The following TCF20 variants were observed in gnomAD, a reference collection of about 807,000 sequenced individuals.
TCF20 encodes the protein transcription factor 20.
TCF20 carries 3 observed loss-of-function variants against 148.6 expected under a neutral mutation model. That is an observed-to-expected ratio of 0.02 (90% CI 0.01 to 0.05). TCF20 has a LOEUF of 0.05. Among genes scored for constraint, TCF20 ranks in the 10% least tolerant of loss-of-function variants. The pLI is 1.00. For synonymous variants in TCF20, 1,049 were observed against 909.5 expected (o/e 1.15, Z -2.76); for missense variants, 2,350 against 2,429.3 (o/e 0.97, Z 0.69).
At chr22:42,281,309 G>C (rs134893) in intron 1 of TCF20, among the ~76,000 whole-genome samples, 98,289 of 152,018 alleles carry the variant, frequency 0.65, 32,773 homozygotes, top group Non-Finnish European at 0.74. Context: ...AGCCAGCTTT[G>C]CAAGATCCTG....
chr22:42,302,319 G>A (rs1927351926), intron 1 of TCF20, among the ~76,000 whole-genome samples: 1 of 152,268 alleles, frequency 6.6e-6, no homozygotes, highest in South Asian at 2.1e-4. Context: ...CGGTCTCTGT[G>A]GGGACCCATA....
upstream of TCF20, among the ~76,000 whole-genome samples, chr22:42,288,682 T>C (rs1409776803): frequency 4.4e-5 from 6 of 135,432 alleles, no homozygotes; most frequent in Non-Finnish European, 7.6e-5. Context: ...TACTCCAGTC[T>C]GGGCAACAGG....
intron 2 of TCF20, among the ~76,000 whole-genome samples, chr22:42,187,642 G>A (rs1295102342): frequency 6.6e-6 from 1 of 152,190 alleles, no homozygotes; most frequent in Non-Finnish European, 1.5e-5. Flanking sequence ...CCCTTCCGAT[G>A]TCTTTGTGCC....
intron 5 of TCF20, among the ~76,000 whole-genome samples, chr22:42,163,903 C>T (rs1935615551): frequency 1.3e-5 from 2 of 152,232 alleles, no homozygotes; most frequent in African/African-American, 4.8e-5. Flanking sequence ...CTTCCCTTCT[C>T]GCTCACACTG....
intron 1 of TCF20, among the ~76,000 whole-genome samples, chr22:42,233,492 G>C (rs1262028646): frequency 6.6e-6 from 1 of 152,174 alleles, no homozygotes; most frequent in South Asian, 2.1e-4. Context: ...AATAATACCA[G>C]CTTTGCTGAC....
At chr22:42,191,557 GGGATTAC>G (rs1937337648) in intron 2 of TCF20, among the ~76,000 whole-genome samples, 2 of 152,150 alleles carry the variant, frequency 1.3e-5, no homozygotes, top group East Asian at 3.8e-4. Context: ...CCAAAGTGCG[GGGATTAC>G]AGGCATGAGC....
chr22:42,254,388 T>C (rs1385766002), intron 1 of TCF20, among the ~76,000 whole-genome samples: 3 of 152,256 alleles, frequency 2.0e-5, no homozygotes, highest in East Asian at 3.8e-4. Flanking sequence ...CTGCAAGTTA[T>C]ATTCCAGCTC....
chr22:42,161,780 T>C (rs185589354), intron 5 of TCF20, among the ~76,000 whole-genome samples: 341 of 152,276 alleles, frequency 2.2e-3, no homozygotes, highest in African/African-American at 7.5e-3. Flanking sequence ...CTTCTCGAAG[T>C]CCAGCCTTTT....
chr22:42,297,606 G>A lies in TCF20; in HGVS notation c.-37+45873C>T, dbSNP rs1394628725. On this transcript the variant is annotated intron_variant, in intron 1 of 1. Coordinates refer to the TCF20 transcript ENST00000515426. The surrounding 1 kb of genome is among the most constrained non-coding windows in gnomAD (Gnocchi z 4.3). ...TGAAAGCCCATGATCCCTGAGCCTC[G>A]AGCTCAGCCCCCAGGAGCTTCCCCT... Among the ~76,000 whole-genome samples the A allele has an allele frequency of 6.6e-6, 1 of 152,150 alleles. No individual in the cohort carries two copies. Among genetic ancestry groups the A allele is most frequent in the African/African-American group, 2.4e-5 (1 of 41,446 alleles).
chr22:42,190,759 C>A (rs1406355312), intron 2 of TCF20, among the ~76,000 whole-genome samples: 2 of 148,364 alleles, frequency 1.3e-5, no homozygotes, highest in Non-Finnish European at 3.0e-5. Flanking sequence ...TATTCCCCAC[C>A]CTCAGCTATC....
intron 1 of TCF20, 151 bp from the exon 2 acceptor site, chr22:42,215,492 C>CTCTTGTCTCA: frequency 2.9e-6 from 3 of 1,032,404 alleles, no homozygotes; most frequent in Non-Finnish European, 4.0e-6. Flanking sequence ...TTTTTTGAGA[C>CTCTTGTCTCA]AAGAGTCTCA....
chr22:42,189,751 A>G lies in TCF20; in HGVS notation c.5656-10049T>C, dbSNP rs368507242. Among the ~76,000 whole-genome samples, 5 of 152,356 alleles carry G rather than the reference A, an allele frequency of 3.3e-5. No individual in the cohort carries two copies. In the East Asian group the frequency reaches 9.6e-4, roughly 29 times the overall value. ...TTTACTTCTCCTAAAGTAGAGGACA[A>G]CAACGACAAATCTAGTCAAAGAAAC... On this transcript the variant is annotated intron_variant, in intron 2 of 5. Transcript: ENST00000677622.
chr22:42,293,901 G>C (rs1272729901), intron 1 of TCF20, among the ~76,000 whole-genome samples: 1 of 152,236 alleles, frequency 6.6e-6, no homozygotes, highest in Non-Finnish European at 1.5e-5. Context: ...TCAGGAGGCT[G>C]AGGCAGGAGA....
rs570402790 is a variant in TCF20 at position 42,162,934 on chromosome 22, CCA to C, written c.*45-1578_*45-1577del. Among the ~76,000 whole-genome samples the C allele has an allele frequency of 1.2e-3, 187 of 152,284 alleles. 3 individuals carry two copies. The South Asian group carries it at 0.038, about 31-fold the overall frequency. ...ACACAGAGGCCATGGCACAACATCA[CCA>C]CAGACAAGTAAAAGCAAGCCCTGGG... On this transcript the variant is annotated intron_variant, in intron 5 of 5. Transcript: ENST00000677622.
chr22:42,237,943 G>A (rs1344148821), intron 1 of TCF20, among the ~76,000 whole-genome samples: 12 of 152,134 alleles, frequency 7.9e-5, no homozygotes, highest in Admixed American at 7.9e-4. Context: ...ATAAATTTAT[G>A]GGCCCTAGAA....
intron 1 of TCF20, among the ~76,000 whole-genome samples, chr22:42,307,038 TAAAAAAAAAAAAA>T (rs5845532): frequency 5.4e-5 from 5 of 92,762 alleles, no homozygotes; most frequent in Admixed American, 3.6e-4. Context: ...GACTCTGTCT[TAAAAAAAAAAAAA>T]AAAAAAAAAA....
upstream of TCF20, among the ~76,000 whole-genome samples, chr22:42,285,076 G>A (rs1420285205): frequency 2.0e-5 from 3 of 152,192 alleles, no homozygotes; most frequent in Non-Finnish European, 2.9e-5. This position sits in a 1 kb window ranked among gnomAD's most constrained non-coding sequence, Gnocchi z 4.2. Flanking sequence ...CACTTCACTC[G>A]GCCATGCTCG....
rs1185280077 is a variant in TCF20 at position 42,317,786 on chromosome 22, G to A, written c.-37+25693C>T. Among the ~76,000 whole-genome samples, 4 of 152,172 alleles carry A rather than the reference G, an allele frequency of 2.6e-5. No homozygotes were observed. Among genetic ancestry groups the A allele is most frequent in the African/African-American group, 4.8e-5 (2 of 41,444 alleles). On this transcript the variant is annotated intron_variant, in intron 1 of 1. Coordinates refer to the TCF20 transcript ENST00000515426. The surrounding 1 kb of genome is among the most constrained non-coding windows in gnomAD (Gnocchi z 4.2). ...CACAGGGCGATCCCTCCCTCACAAC[G>A]CTACAGAGAAAAATGGCAGGCAGCC...
chr22:42,187,720 G>A (rs1278403729), intron 2 of TCF20, among the ~76,000 whole-genome samples: 1 of 152,220 alleles, frequency 6.6e-6, no homozygotes, highest in East Asian at 1.9e-4. Context: ...GGTTAGAAAG[G>A]TTGGGATTAA....
Sources: allele counts gnomAD v4.1 joint callset (sites outside exome capture counted in the v4.1 genomes callset), GRCh38; gene constraint gnomAD v4.1.1; non-coding constraint Gnocchi (gnomAD v3.1); transcripts MANE v1.5; gene names NCBI Gene and HGNC (gene_info 2026-07-23, HGNC 2026-07-21).